POLD2: variants seen among roughly 807,000 people sequenced by gnomAD.
POLD2 encodes DNA polymerase delta 2, accessory subunit, also known as DNA polymerase delta subunit 2.
In POLD2, 31 loss-of-function variants were observed where a neutral mutation model predicts 48.8. That is an observed-to-expected ratio of 0.64 (90% confidence interval 0.48 to 0.86). POLD2 has a LOEUF of 0.86. POLD2 is among the 40% of genes least tolerant of loss of function. POLD2 has a pLI of 0.00. For synonymous variants in POLD2, 233 were observed against 256.3 expected (o/e 0.91, Z 0.87); for missense variants, 455 against 610.1 (o/e 0.75, Z 2.68).
chr7:44,122,033 G>A lies in POLD2; in HGVS notation c.21C>T (p.Ala7=), dbSNP rs959526296. 6.2e-7 allele frequency: 1 copy of A among 1,613,146 alleles called. No individual in the cohort carries two copies. The highest frequency in any genetic ancestry group is 1.1e-5 in the South Asian group (1 of 91,036). Reference sequence around the variant, plus strand: ...GGGACAGTAGAGTGTGGGCCCTCTGGGCAGCCTGCTCAGAAAACATGGCCA... The same window carrying A: ...GGGACAGTAGAGTGTGGGCCCTCTGAGCAGCCTGCTCAGAAAACATGGCCA... The part of the protein sequence containing the change: MFSEQA[A]QRAHTLLSPP... The change falls in exon 2 of 11, where the codon GCC becomes GCT. Residue 7 remains alanine (A), a synonymous_variant. Transcript: ENST00000610533.
chr7:44,124,058 C>T (rs1459009509), upstream of POLD2, among the ~76,000 whole-genome samples: 1 of 152,182 alleles, frequency 6.6e-6, no homozygotes, highest in East Asian at 1.9e-4. Context: ...AGGGATGGCG[C>T]GGGGTCTCGG....
chr7:44,119,046 C>G (rs2096244872), intron 2 of POLD2, among the ~76,000 whole-genome samples: 1 of 144,386 alleles, frequency 6.9e-6, no homozygotes, highest in Non-Finnish European at 1.5e-5. Flanking sequence ...ATGCTTCATC[C>G]TCTGAGACCA....
intron 9 of POLD2, 108 bp downstream of exon 9, chr7:44,115,658 T>C: frequency 1.6e-6 from 2 of 1,259,240 alleles, no homozygotes; most frequent in Non-Finnish European, 1.1e-6. Flanking sequence ...CTCAGACAGT[T>C]CTCAGCAATG....
intron 4 of POLD2, 177 bp from the exon 5 acceptor site, chr7:44,117,424 A>T: frequency 1.4e-6 from 1 of 736,068 alleles, no homozygotes; most frequent in Non-Finnish European, 2.2e-6. Context: ...AGGTGGGGAG[A>T]CCCATCTCCC....
chr7:44,115,063 G>C lies in POLD2; in HGVS notation c.1250-118C>G, dbSNP rs2096236304. 7 of 957,100 alleles carry C rather than the reference G, an allele frequency of 7.3e-6. No homozygotes were observed. In the Middle Eastern group the frequency reaches 6.7e-4, roughly 91 times the overall value. 59.3% of individuals were successfully genotyped at this position (957,100 alleles called of 1,614,324 possible). On this transcript the variant is annotated intron_variant, in intron 10 of 10. Transcript: ENST00000610533. ...ACACAGTGGGGCAGTGACAATAGGA[G>C]ACCAGAGATTAGCCTTGAGAGGCAC... is the stretch of plus-strand genomic sequence containing the variant.
At position 44,115,311 on chromosome 7, in the gene POLD2, G is replaced by C. The variant is rs148822482; in HGVS notation, c.1233C>G (p.Gly411=). 1.2e-6 allele frequency: 2 copies of C among 1,612,742 alleles called. No individual in the cohort carries two copies. The highest frequency in any genetic ancestry group is 1.7e-6 in the Non-Finnish European group (2 of 1,178,784). ...VYFCGNTPSF[G]SKIIRGPEDQ... is the part of the protein sequence containing the mutation. ...AAAAATTACCTCGGATGATTTTGGAGCCAAAGCTGGGGGTGTTGCCACAAA... is the reference window on the plus strand; with the variant it reads ...AAAAATTACCTCGGATGATTTTGGACCCAAAGCTGGGGGTGTTGCCACAAA... The change falls in exon 10 of 11, where the codon GGC becomes GGG. Residue 411 remains glycine, a synonymous_variant. Coordinates refer to ENST00000610533, the MANE Select transcript of POLD2 (RefSeq NM_006230.4).
At chr7:44,115,991 A>C in intron 8 of POLD2, 98 bp from the exon 9 acceptor site, 2 of 1,600,558 alleles carry the variant, frequency 1.2e-6, no homozygotes, top group Non-Finnish European at 8.5e-7. Flanking sequence ...CCCCAGAGAG[A>C]AGGAACAGAT....
intron 3 of POLD2, 99 bp from the exon 4 acceptor site, chr7:44,117,841 A>G: frequency 6.3e-7 from 1 of 1,596,884 alleles, no homozygotes; most frequent in Non-Finnish European, 8.6e-7. Flanking sequence ...TCTGGAGTCC[A>G]TTGTCTCTGA....
At position 44,116,047 on chromosome 7, in the gene POLD2, C is replaced by T; in HGVS notation, c.1019+68G>A. The T allele has an allele frequency of 6.2e-7, 1 of 1,602,714 alleles. No individual in the cohort carries two copies. Among genetic ancestry groups the T allele is most frequent in the Non-Finnish European group, 8.5e-7 (1 of 1,170,840 alleles). On this transcript the variant is annotated intron_variant, in intron 8 of 10. Transcript: ENST00000610533. This position sits in a 1 kb window ranked among gnomAD's most constrained non-coding sequence, Gnocchi z 6.1. ...CCTGCCACCTTCCTGGGCCCTCCCT[C>T]CCCTCCCTTCTTTGTGCCTCCTGAG... is the stretch of plus-strand genomic sequence containing the variant.
At chr7:44,124,073 C>A (rs546387031), upstream of POLD2, among the ~76,000 whole-genome samples, 24 of 152,328 alleles carry the variant, frequency 1.6e-4, no homozygotes, top group African/African-American at 5.5e-4. Flanking sequence ...TCTCGGGGTT[C>A]CTCCCGTCCT....
At chr7:44,123,886 C>T (rs2096252150), upstream of POLD2, among the ~76,000 whole-genome samples, 2 of 152,268 alleles carry the variant, frequency 1.3e-5, no homozygotes, top group Admixed American at 1.3e-4. Context: ...CCCCGCCAGA[C>T]CTCCCAGTGG....
At position 44,121,733 on chromosome 7, in the gene POLD2, AG is replaced by A. The variant is rs2096248390; in HGVS notation, c.220+100del. ...AAGAGGTTAATTTTCCCAAGGTAAC[AG>A]GAAGTGGGATCAATTAGATAAACTG... On this transcript the variant is annotated intron_variant, in intron 2 of 10. Transcript: ENST00000610533. The surrounding 1 kb of genome is among the most constrained non-coding windows in gnomAD (Gnocchi z 4.5). 3 of 1,150,324 alleles carry A rather than the reference AG, an allele frequency of 2.6e-6. No homozygotes were observed. The highest frequency in any genetic ancestry group is 3.7e-6 in the Non-Finnish European group (3 of 819,328). The allele number at this position is 1,150,324 out of a possible 1,614,324, so 71.3% of individuals were successfully genotyped here. A position where few individuals can be genotyped will look rare whatever the true frequency, so the allele number is the denominator to read the frequency against.
At chr7:44,118,487 G>T (rs2979425) in intron 2 of POLD2, among the ~76,000 whole-genome samples, 22,465 of 152,060 alleles carry the variant, frequency 0.15, 2,519 homozygotes, top group East Asian at 0.36. Context: ...GAGAGTAAAT[G>T]TCTGTGTTTT....
At position 44,116,524 on chromosome 7, in the gene POLD2, C is replaced by G. The variant is rs3087362; in HGVS notation, c.781-14G>C. 626 of 1,561,066 alleles carry G rather than the reference C, an allele frequency of 4.0e-4. 4 individuals carry two copies. In the East Asian group the frequency reaches 0.013, roughly 33 times the overall value. On this transcript the variant is annotated splice_polypyrimidine_tract_variant and intron_variant, in intron 6 of 10. Coordinates refer to ENST00000610533, the MANE Select transcript of POLD2 (RefSeq NM_006230.4). This position sits in a 1 kb window ranked among gnomAD's most constrained non-coding sequence, Gnocchi z 6.1. ...GAGGTATTTGGCCTGGAATAGAAGC[C>G]CAGAAGGCCATCAGGCCCAGGCGAG...
At chr7:44,123,735 G>A (rs2096251667), upstream of POLD2, 4 of 1,337,312 alleles carry the variant, frequency 3.0e-6, no homozygotes, top group Non-Finnish European at 3.8e-6. Flanking sequence ...GGCAACGCGG[G>A]GCGGGGGCTC....
chr7:44,116,412 A>G lies in POLD2; in HGVS notation c.861+18T>C. The G allele has an allele frequency of 3.2e-6, 5 of 1,574,758 alleles. No individual in the cohort carries two copies. The highest frequency in any genetic ancestry group is 4.3e-6 in the Non-Finnish European group (5 of 1,159,352). ...AGACTGCAATCCCCATCACCCCTCCAGCCCCCAGCTCGCTCACGCTCAGCT... is the reference window on the plus strand; with the variant it reads ...AGACTGCAATCCCCATCACCCCTCCGGCCCCCAGCTCGCTCACGCTCAGCT... On this transcript the variant is annotated intron_variant, in intron 7 of 10. Coordinates refer to ENST00000610533, the MANE Select transcript of POLD2 (RefSeq NM_006230.4). This position sits in a 1 kb window ranked among gnomAD's most constrained non-coding sequence, Gnocchi z 6.1.
At position 44,121,898 on chromosome 7, in the gene POLD2, G is replaced by T. The variant is rs2128812839; in HGVS notation, c.156C>A (p.His52Gln). 6.2e-7 allele frequency: 1 copy of T among 1,613,716 alleles called. No individual in the cohort carries two copies. The change falls in exon 2 of 11, where the codon CAC (histidine) becomes CAA (glutamine). Residue 52 changes from histidine (H) to glutamine (Q), a missense_variant. This residue lies in a region of POLD2 where 349 missense variants were observed against 437.4 expected (regional missense o/e 0.80). Transcript: ENST00000610533. This position sits in a 1 kb window ranked among gnomAD's most constrained non-coding sequence, Gnocchi z 4.5. The part of the protein sequence containing the change: ...GERSFSRQYA[H>Q]IYATRLIQMR... ...TTTGGATGAGGCGGGTGGCATAAAT[G>T]TGGGCATACTGCCGGCTAAAGCTGC...
Position 44,123,514 on chromosome 7 carries a change from G to A in POLD2, c.-60C>T. 6.7e-7 allele frequency: 1 copy of A among 1,481,854 alleles called. No individual in the cohort carries two copies. Among genetic ancestry groups the A allele is most frequent in the Non-Finnish European group, 8.9e-7 (1 of 1,124,012 alleles). The allele number at this position is 1,481,854 out of a possible 1,614,324, so 91.8% of individuals were successfully genotyped here. A position where few individuals can be genotyped will look rare whatever the true frequency, so the allele number is the denominator to read the frequency against. On this transcript the variant is annotated 5_prime_UTR_variant, in exon 1 of 11. Transcript: ENST00000610533. The stretch of plus-strand genomic sequence containing the variant: ...CGTTTCCCTGGACCCCACTCACCGC[G>A]CGGCGCGCCGCATCCCGCCAATCCC...
rs1233763974 is a variant in POLD2, at chr7:44,122,174, G to A, written c.-56-65C>T. On this transcript the variant is annotated intron_variant, in intron 1 of 10. Transcript: ENST00000610533. ...CCCCCAAAGCAGCAGCTCTCCTGGT[G>A]TCTCACTGCACCCAAAGGATACTGG... 2.0e-6 allele frequency: 3 copies of A among 1,471,932 alleles called. No individual in the cohort carries two copies. The East Asian group carries it at 7.4e-5, about 36-fold the overall frequency. 91.2% of individuals were successfully genotyped at this position (1,471,932 alleles called of 1,614,324 possible).
Sources: allele counts gnomAD v4.1 joint callset (sites outside exome capture counted in the v4.1 genomes callset), GRCh38; gene constraint gnomAD v4.1.1; regional missense constraint gnomAD v4.1.1; non-coding constraint Gnocchi (gnomAD v3.1); transcripts MANE v1.5; gene names NCBI Gene and HGNC (gene_info 2026-07-23, HGNC 2026-07-21).